RNF217: variants seen among roughly 807,000 people sequenced by gnomAD.
RNF217 encodes the protein E3 ubiquitin-protein ligase RNF217.
In RNF217, 31 loss-of-function variants were observed where a neutral mutation model predicts 57.8. The ratio of observed to expected loss-of-function variants is 0.54; its 90% CI spans 0.40 to 0.72. The LOEUF is 0.72. Among genes scored for constraint, RNF217 ranks in the 30% least tolerant of loss-of-function variants. The pLI is 0.00. For synonymous variants in RNF217, 313 were observed against 294.0 expected, an observed-to-expected ratio of 1.06 and a Z score of -0.66; for missense variants, 696 against 708.3, an observed-to-expected ratio of 0.98 and a Z score of 0.20.
At chr6:125,005,466 G>C (rs1190786301) in intron 1 of RNF217, among the ~76,000 whole-genome samples, 1 of 151,984 alleles carries the variant, frequency 6.6e-6, no homozygotes, top group African/African-American at 2.4e-5. Flanking sequence ...TATTTTGCAG[G>C]CAAGAGAATA....
At chr6:125,050,864 G>A (rs1787286811) in intron 2 of RNF217, among the ~76,000 whole-genome samples, 1 of 151,816 alleles carries the variant, frequency 6.6e-6, no homozygotes, top group Non-Finnish European at 1.5e-5. Context: ...TAGAAAAAAA[G>A]TGTAGTTTCT....
At chr6:124,974,386 G>T (rs547093285) in intron 1 of RNF217, among the ~76,000 whole-genome samples, 1 of 152,002 alleles carries the variant, frequency 6.6e-6, no homozygotes, top group Non-Finnish European at 1.5e-5. Context: ...TAACTTTGGT[G>T]GTGTGTTTTT....
At chr6:124,993,346 T>C (rs1784631291) in intron 1 of RNF217, among the ~76,000 whole-genome samples, 1 of 152,164 alleles carries the variant, frequency 6.6e-6, no homozygotes, top group Non-Finnish European at 1.5e-5. Context: ...TGGCAGATAG[T>C]AATTACAAGT....
Position 124,995,191 on chromosome 6 carries a change from C to T in RNF217, c.882+31765C>T, listed in dbSNP as rs1332317254. ...CTTTTATTGCCTCTAATCTCTTTTA[C>T]AGATTTTATTTTGTGAAATATTATA... On this transcript the variant is annotated intron_variant, in intron 1 of 5. Transcript: ENST00000521654. Among the ~76,000 whole-genome samples, 9 of 152,174 alleles carry T rather than the reference C, an allele frequency of 5.9e-5. No homozygotes were observed. The East Asian group carries it at 1.7e-3, about 29-fold the overall frequency.
At position 125,007,147 on chromosome 6, in the gene RNF217, A is replaced by G. The variant is rs557287110; in HGVS notation, c.883-38064A>G. Among the ~76,000 whole-genome samples the G allele has an allele frequency of 1.3e-3, 203 of 152,286 alleles. 1 individual carries two copies. The highest frequency in any genetic ancestry group is 6.0e-3 in the East Asian group (31 of 5,178). ...TCAACTTGTCAATTGAATTATTTCA[A>G]TGAATGTGCTTCTTATCTAGAATTG... On this transcript the variant is annotated intron_variant, in intron 1 of 5. Transcript: ENST00000521654.
chr6:125,063,517 T>G (rs1787824717), intron 3 of RNF217, among the ~76,000 whole-genome samples: 1 of 152,170 alleles, frequency 6.6e-6, no homozygotes, highest in South Asian at 2.1e-4. Flanking sequence ...AACACTAACA[T>G]GTACTGACAT....
At chr6:124,975,647 G>A (rs1030875986) in intron 1 of RNF217, among the ~76,000 whole-genome samples, 1 of 152,136 alleles carries the variant, frequency 6.6e-6, no homozygotes, top group African/African-American at 2.4e-5. Flanking sequence ...ATGTTGCCCA[G>A]GCTGGTCTTA....
intron 1 of RNF217, among the ~76,000 whole-genome samples, chr6:124,996,999 C>T (rs1784779535): frequency 1.3e-5 from 2 of 152,138 alleles, no homozygotes; most frequent in South Asian, 2.1e-4. Flanking sequence ...TTCACACAGA[C>T]TTGTTTGTAG....
chr6:125,051,885 C>T (rs1787331407), intron 2 of RNF217, among the ~76,000 whole-genome samples: 1 of 151,962 alleles, frequency 6.6e-6, no homozygotes, highest in South Asian at 2.1e-4. Context: ...AAGAATTTTC[C>T]AGTACCCTTT....
At chr6:124,997,036 A>G (rs1784782368) in intron 1 of RNF217, among the ~76,000 whole-genome samples, 3 of 152,162 alleles carry the variant, frequency 2.0e-5, no homozygotes, top group Non-Finnish European at 2.9e-5. Flanking sequence ...GGTTCTACAA[A>G]CACGGACGTG....
chr6:125,064,869 A>C (rs1787874971), intron 3 of RNF217, among the ~76,000 whole-genome samples: 1 of 152,104 alleles, frequency 6.6e-6, no homozygotes, highest in East Asian at 1.9e-4. Context: ...GGGTACTAGA[A>C]AATGTAGTGT....
intron 1 of RNF217, among the ~76,000 whole-genome samples, chr6:124,968,203 C>T (rs964843015): frequency 3.9e-5 from 6 of 152,054 alleles, no homozygotes; most frequent in Admixed American, 6.5e-5. Context: ...CTGTCATGCC[C>T]GGTGTGGTTT....
At chr6:125,040,743 G>A (rs1462097119) in intron 1 of RNF217, among the ~76,000 whole-genome samples, 3 of 152,070 alleles carry the variant, frequency 2.0e-5, no homozygotes, top group East Asian at 1.9e-4. Context: ...TATCCACCAC[G>A]ATCAAGTCGG....
chr6:125,030,018 A>AGAAT (rs1427606724), intron 1 of RNF217, among the ~76,000 whole-genome samples: 1 of 152,202 alleles, frequency 6.6e-6, no homozygotes, highest in East Asian at 1.9e-4. Flanking sequence ...GGGAGGCCTC[A>AGAAT]GAATCATGGC....
intron 3 of RNF217, 120 bp from the exon 4 acceptor site, chr6:125,076,537 G>A (rs572825187): frequency 3.0e-6 from 2 of 656,822 alleles, no homozygotes; most frequent in Non-Finnish European, 2.7e-6. Flanking sequence ...AGCCTCAGGA[G>A]TGCTGTGAGA....
chr6:124,992,570 A>G (rs1333861890), intron 1 of RNF217, among the ~76,000 whole-genome samples: 1 of 152,174 alleles, frequency 6.6e-6, no homozygotes, highest in African/African-American at 2.4e-5. Flanking sequence ...AAAGTTTAGA[A>G]TAGTGAGAAG....
chr6:125,039,230 T>C (rs1324288706), intron 1 of RNF217, among the ~76,000 whole-genome samples: 2 of 152,040 alleles, frequency 1.3e-5, no homozygotes, highest in Non-Finnish European at 2.9e-5. Context: ...TGTACCACAT[T>C]TTTTTTTCTT....
intron 3 of RNF217, among the ~76,000 whole-genome samples, chr6:125,066,470 T>A (rs1787941717): frequency 6.6e-6 from 1 of 152,148 alleles, no homozygotes; most frequent in South Asian, 2.1e-4. Context: ...TTCTCCCTTC[T>A]CAGGATCTCA....
chr6:125,087,457 G>A lies in RNF217; in HGVS notation c.*4520G>A, dbSNP rs1390460899. 1 of 152,100 alleles carries A rather than the reference G, an allele frequency of 6.6e-6. No individual in the cohort carries two copies. Among genetic ancestry groups the A allele is most frequent in the African/African-American group, 2.4e-5 (1 of 41,536 alleles). The allele number at this position is 152,100 out of a possible 1,614,324, so 9.4% of individuals were successfully genotyped here. ...CCCATGGTCTGCTTTATTGTTTTGT[G>A]TTAATATCTATTATAAATATAGCCT... On this transcript the variant is annotated 3_prime_UTR_variant, in exon 6 of 6. Coordinates refer to ENST00000521654, the MANE Select transcript of RNF217 (RefSeq NM_001286398.3).
Sources: gnomAD v4.1 joint callset for allele counts (sites outside exome capture counted in the v4.1 genomes callset) on GRCh38, gnomAD v4.1.1 for gene constraint, MANE v1.5 for transcripts, NCBI Gene and HGNC (gene_info 2026-07-23, HGNC 2026-07-21) for gene names.